Variants in ABCD3 observed in about 807,000 individuals in gnomAD.
ABCD3 encodes ATP binding cassette subfamily D member 3, also known as ATP-binding cassette sub-family D member 3.
Under a neutral mutation model 105.5 loss-of-function variants are expected in ABCD3, and 41 were observed. The observed-to-expected ratio is 0.39, with a 90% CI of 0.30 to 0.50. The LOEUF (loss-of-function observed/expected upper bound fraction) is 0.50. ABCD3 is among the 20% of genes least tolerant of loss of function. The probability of loss-of-function intolerance (pLI) is 0.84; values close to 1 mark genes in which losing one functional copy is unlikely to be tolerated. For missense variants in ABCD3, 622 were observed against 806.3 expected (o/e 0.77, Z 2.77); for synonymous variants, 258 against 269.0 (o/e 0.96, Z 0.40).
chr1:94,454,188 A>C (rs547698065), intron 1 of ABCD3, among the ~76,000 whole-genome samples: 7 of 152,322 alleles, frequency 4.6e-5, no homozygotes, highest in Admixed American at 1.3e-4. Context: ...ATATTATAAT[A>C]GTTCACATGA....
chr1:94,490,882 C>CA (rs1277329331), intron 15 of ABCD3, among the ~76,000 whole-genome samples: 2 of 152,146 alleles, frequency 1.3e-5, no homozygotes, highest in Non-Finnish European at 2.9e-5. Flanking sequence ...GTAGTCCCAC[C>CA]AACAATGTAC....
chr1:94,490,157 T>C (rs1649465208), intron 15 of ABCD3, among the ~76,000 whole-genome samples, 182 bp downstream of exon 15: 1 of 152,064 alleles, frequency 6.6e-6, no homozygotes, highest in Admixed American at 6.6e-5. Context: ...AACTTGATGC[T>C]TTGATATCTG....
In ABCD3 at chr1:94,517,499, C is replaced by T. The variant is rs1804191; in HGVS notation, c.*370C>T. On this transcript the variant is annotated 3_prime_UTR_variant, in exon 23 of 23. Transcript: ENST00000370214. Reference sequence around the variant, plus strand: ...TCTATCTTTTCCTTCAGTGAAGAACCCTATTTAAAACTGGGTCATCATTTG... The same window carrying T: ...TCTATCTTTTCCTTCAGTGAAGAACTCTATTTAAAACTGGGTCATCATTTG... 4.0e-6 allele frequency: 1 copy of T among 252,892 alleles called. No individual in the cohort carries two copies. Among genetic ancestry groups the T allele is most frequent in the African/African-American group, 2.3e-5 (1 of 42,938 alleles). The allele number at this position is 252,892 out of a possible 1,614,324, so 15.7% of individuals were successfully genotyped here. A position where few individuals can be genotyped will look rare whatever the true frequency, so the allele number is the denominator to read the frequency against.
intron 1 of ABCD3, among the ~76,000 whole-genome samples, chr1:94,450,143 A>G (rs1557667785): frequency 6.6e-6 from 1 of 152,212 alleles, no homozygotes; most frequent in Non-Finnish European, 1.5e-5. Flanking sequence ...TGGATTAAAA[A>G]CACTTGGACG....
intron 1 of ABCD3, among the ~76,000 whole-genome samples, chr1:94,431,481 T>C (rs185675953): frequency 2.3e-4 from 35 of 152,262 alleles, no homozygotes; most frequent in African/African-American, 7.7e-4. Context: ...AAAGAGAGAA[T>C]GTTGTATCTT....
chr1:94,486,342 T>G (rs1157700297), intron 10 of ABCD3, among the ~76,000 whole-genome samples: 2 of 152,194 alleles, frequency 1.3e-5, no homozygotes, highest in African/African-American at 4.8e-5. Flanking sequence ...GATGACTGTA[T>G]TACAGTCTCT....
chr1:94,517,048 A>T lies in ABCD3; in HGVS notation c.1903-4A>T. ...TGACTTTTTTTCCCCCTTCTTTCCC[A>T]TAGTACTACCTGCATATGGATGGCA... On this transcript the variant is annotated splice_region_variant and splice_polypyrimidine_tract_variant and intron_variant, in intron 22 of 22. Coordinates refer to ENST00000370214, the MANE Select transcript of ABCD3 (RefSeq NM_002858.4). 6.2e-7 allele frequency: 1 copy of T among 1,605,624 alleles called. No individual in the cohort carries two copies.
At chr1:94,442,549 G>A (rs1660172044) in intron 1 of ABCD3, among the ~76,000 whole-genome samples, 2 of 152,244 alleles carry the variant, frequency 1.3e-5, no homozygotes, top group South Asian at 4.2e-4. Context: ...AGTGAAGTCT[G>A]GGCTTTTAGT....
chr1:94,402,250 T>C, the ABCD3 span, among the ~76,000 whole-genome samples: 6 of 152,226 alleles, frequency 3.9e-5, no homozygotes, highest in African/African-American at 9.7e-5. Context: ...AAGGCTGTTA[T>C]GAGTGTTCTT....
chr1:94,461,460 TGTG>T (rs1647865584), intron 2 of ABCD3, among the ~76,000 whole-genome samples: 1 of 85,014 alleles, frequency 1.2e-5, no homozygotes, highest in Non-Finnish European at 3.1e-5. Context: ...TATTTTGGCA[TGTG>T]TGTGTATGTG....
At chr1:94,395,370 A>C in the ABCD3 span, among the ~76,000 whole-genome samples, 1 of 152,198 alleles carries the variant, frequency 6.6e-6, no homozygotes, top group Non-Finnish European at 1.5e-5. Context: ...CCTCAACAGC[A>C]GGAGGCCATT....
intron 6 of ABCD3, 111 bp from the exon 7 acceptor site, chr1:94,475,503 A>T: frequency 1.7e-6 from 2 of 1,199,398 alleles, no homozygotes; most frequent in Non-Finnish European, 2.4e-6. Context: ...TCTGGCTCCA[A>T]ACTTTTTTGT....
In ABCD3 at chr1:94,517,005, A is replaced by G. The variant is rs115208953; in HGVS notation, c.1903-47A>G. ...TTTACTTTTCATAAAAGACAGTACT[A>G]TATTCACTCTTAGTTACTGACTTTT... On this transcript the variant is annotated intron_variant, in intron 22 of 22. Coordinates refer to ENST00000370214, the MANE Select transcript of ABCD3 (RefSeq NM_002858.4). 1.1e-3 allele frequency: 1,409 copies of G among 1,242,212 alleles called. 12 individuals carry two copies. The African/African-American group carries it at 0.018, about 16-fold the overall frequency. The allele number at this position is 1,242,212 out of a possible 1,614,324, so 76.9% of individuals were successfully genotyped here.
intron 16 of ABCD3, among the ~76,000 whole-genome samples, chr1:94,496,383 T>A (rs1229244615): frequency 1.3e-5 from 2 of 152,162 alleles, no homozygotes; most frequent in Admixed American, 6.6e-5. Context: ...GCATAATGTT[T>A]TCAAGGTTCA....
At chr1:94,492,620 A>G (rs887746912) in intron 16 of ABCD3, among the ~76,000 whole-genome samples, 2 of 152,166 alleles carry the variant, frequency 1.3e-5, no homozygotes, top group African/African-American at 4.8e-5. Flanking sequence ...CCTTTGGCAA[A>G]GTAGGTAGCC....
rs766307300 is a variant in ABCD3, at chr1:94,458,588, CTCT to C, written c.111-17_111-15del. 36 of 1,608,760 alleles carry C rather than the reference CTCT, an allele frequency of 2.2e-5. No homozygotes were observed. In the African/African-American group the frequency reaches 4.0e-4, roughly 18 times the overall value. On this transcript the variant is annotated splice_polypyrimidine_tract_variant and intron_variant, in intron 1 of 22. Coordinates refer to ENST00000370214, the MANE Select transcript of ABCD3 (RefSeq NM_002858.4). Reference sequence around the variant, plus strand: ...TTTCACATAAAGTAAAGCTCTCTCTCTCTTTTTTTCCTCTGCAGTAAGAAAAGT... The same window carrying C: ...TTTCACATAAAGTAAAGCTCTCTCTCTTTTTTCCTCTGCAGTAAGAAAAGT...
At chr1:94,446,493 C>T (rs1570755364) in intron 1 of ABCD3, among the ~76,000 whole-genome samples, 1 of 152,168 alleles carries the variant, frequency 6.6e-6, no homozygotes. Context: ...TACTTCTGTT[C>T]CCTGGAAAGC....
chr1:94,487,764 C>G lies in ABCD3; in HGVS notation c.1038C>G (p.Leu346=). Residue 346 remains leucine, a synonymous_variant, in exon 12 of 23, where the codon CTC becomes CTG. Transcript: ENST00000370214. The part of the protein sequence containing the change: ...PFLDLSHPRH[L]KSTHSELLED... Reference sequence around the variant, plus strand: ...TAGATTTGTCTCATCCTCGACATCTCAAGAGTACACATTCGGAACTTCTAG... The same window carrying G: ...TAGATTTGTCTCATCCTCGACATCTGAAGAGTACACATTCGGAACTTCTAG... The G allele has an allele frequency of 3.1e-6, 5 of 1,613,938 alleles. No homozygotes were observed. Among genetic ancestry groups the G allele is most frequent in the Non-Finnish European group, 4.2e-6 (5 of 1,179,930 alleles).
chr1:94,501,274 A>G (rs529243345), intron 20 of ABCD3, among the ~76,000 whole-genome samples: 1 of 151,854 alleles, frequency 6.6e-6, no homozygotes, highest in African/African-American at 2.4e-5. Context: ...AGAAAAAAAA[A>G]AAAAAAAAAA....
Sources: gnomAD v4.1 joint callset for allele counts (sites outside exome capture counted in the v4.1 genomes callset) on GRCh38, gnomAD v4.1.1 for gene constraint, MANE v1.5 for transcripts, NCBI Gene and HGNC (gene_info 2026-07-23, HGNC 2026-07-21) for gene names.